TCTN2: variants seen among roughly 807,000 people sequenced by gnomAD.
The protein encoded by TCTN2 is tectonic family member 2.
Under a neutral mutation model 83.4 loss-of-function variants are expected in TCTN2, and 66 were observed. The ratio of observed to expected loss-of-function variants is 0.79; its 90% confidence interval spans 0.65 to 0.97. The LOEUF is 0.97. Ranked by LOEUF, TCTN2 falls within the 50% of genes least tolerant of loss-of-function variation. TCTN2 has a pLI of 0.00. For synonymous variants in TCTN2, 301 were observed against 326.7 expected (o/e 0.92, Z 0.85); for missense variants, 794 against 858.1 (o/e 0.93, Z 0.93).
chr12:123,695,105 T>C, intron 10 of TCTN2, 115 bp from the exon 11 acceptor site: 1 of 1,430,414 alleles, frequency 7.0e-7, no homozygotes, highest in Non-Finnish European at 9.8e-7. Flanking sequence ...TATGATTTAA[T>C]TAACGAGAGT....
At chr12:123,698,677 T>A (rs1956138305) in intron 13 of TCTN2, among the ~76,000 whole-genome samples, 1 of 152,104 alleles carries the variant, frequency 6.6e-6, no homozygotes. Flanking sequence ...ACGATCCTCC[T>A]GCCTTGGCCT....
chr12:123,671,974 G>A, intron 2 of TCTN2, 82 bp from the exon 3 acceptor site: 1 of 1,146,354 alleles, frequency 8.7e-7, no homozygotes. Flanking sequence ...TGTAATGTGA[G>A]TCCATCCTAG....
At chr12:123,706,070 A>C (rs1016870775) in intron 15 of TCTN2, among the ~76,000 whole-genome samples, 6 of 152,112 alleles carry the variant, frequency 3.9e-5, no homozygotes, top group African/African-American at 1.4e-4. Context: ...CTCTTTCTCA[A>C]AATAGATCTG....
chr12:123,706,085 G>C (rs1275421743), intron 15 of TCTN2, among the ~76,000 whole-genome samples: 1 of 152,152 alleles, frequency 6.6e-6, no homozygotes, highest in Non-Finnish European at 1.5e-5. Context: ...GATCTGGGCA[G>C]ACTTTTATTG....
chr12:123,703,461 C>T (rs1284402137), intron 14 of TCTN2, among the ~76,000 whole-genome samples: 3 of 152,092 alleles, frequency 2.0e-5, no homozygotes, highest in East Asian at 1.9e-4. Context: ...GGATTACAGG[C>T]GTGAGCCACC....
chr12:123,685,753 T>C (rs1015247370), intron 5 of TCTN2, among the ~76,000 whole-genome samples: 1 of 143,186 alleles, frequency 7.0e-6, no homozygotes, highest in Non-Finnish European at 1.5e-5. Flanking sequence ...AGAAGCAGGG[T>C]CTTGTTCTGT....
At chr12:123,696,231 C>A in intron 11 of TCTN2, 184 bp from the exon 12 acceptor site, 4 of 603,386 alleles carry the variant, frequency 6.6e-6, no homozygotes, top group Non-Finnish European at 9.1e-6. Context: ...AAATGTGAAG[C>A]ATTCTTTCTC....
chr12:123,690,365 G>C (rs1233277170), intron 7 of TCTN2, among the ~76,000 whole-genome samples, 168 bp from the exon 8 acceptor site: 3 of 152,212 alleles, frequency 2.0e-5, no homozygotes, highest in African/African-American at 7.2e-5. Flanking sequence ...GGGCAAATCA[G>C]TTAGATGTTT....
rs1368049091 is a variant in TCTN2, at chr12:123,707,762, C to T, written c.*49C>T. 2.1e-6 allele frequency: 3 copies of T among 1,461,136 alleles called. No homozygotes were observed. The highest frequency in any genetic ancestry group is 2.9e-6 in the Non-Finnish European group (3 of 1,042,392). The allele number at this position is 1,461,136 out of a possible 1,614,324, so 90.5% of individuals were successfully genotyped here. On this transcript the variant is annotated 3_prime_UTR_variant, in exon 18 of 18. Coordinates refer to ENST00000303372, the MANE Select transcript of TCTN2 (RefSeq NM_024809.5). ...TTGAGATGGAGTTTTGCTCTTGTTGCCCAGGCTGAAGTGATCTCGGCTCAC... is the reference window on the plus strand; with the variant it reads ...TTGAGATGGAGTTTTGCTCTTGTTGTCCAGGCTGAAGTGATCTCGGCTCAC...
chr12:123,699,155 AT>A (rs11438271), intron 13 of TCTN2, among the ~76,000 whole-genome samples: 574 of 141,722 alleles, frequency 4.1e-3, no homozygotes, highest in Non-Finnish European at 4.4e-3. Context: ...AGTTACTAAC[AT>A]TTTTTTTTTT....
In TCTN2 at chr12:123,690,616, A is replaced by C; in HGVS notation, c.975A>C (p.Glu325Asp). ...ATGTTAAATGCGTTACTAATTTGGA[A>C]CTATACCAAGAACGAGATGGTATTA... ...NFDVKCVTNL[E>D]LYQERDGIIN... Residue 325 changes from glutamate (E) to aspartate (D), a missense_variant, in exon 8 of 18, where the codon GAA (glutamate) becomes GAC (aspartate). Physicochemically the swap from Glu to Asp is conservative, Grantham distance 45. Coordinates refer to ENST00000303372, the MANE Select transcript of TCTN2 (RefSeq NM_024809.5). The C allele has an allele frequency of 6.2e-7, 1 of 1,614,218 alleles. No homozygotes were observed. The highest frequency in any genetic ancestry group is 8.5e-7 in the Non-Finnish European group (1 of 1,180,042).
At chr12:123,674,279 C>CTT (rs1483330202) in intron 4 of TCTN2, among the ~76,000 whole-genome samples, 1 of 148,712 alleles carries the variant, frequency 6.7e-6, no homozygotes, top group South Asian at 2.1e-4. Context: ...GATTCTCTCT[C>CTT]TTTTTTTTTT....
intron 8 of TCTN2, 93 bp downstream of exon 8, chr12:123,690,767 C>T (rs1956032039): frequency 2.7e-6 from 4 of 1,483,212 alleles, no homozygotes; most frequent in Admixed American, 1.7e-5. Context: ...ACTGGTTCAA[C>T]TTCAAATAAT....
chr12:123,686,256 A>G (rs1955965818), intron 5 of TCTN2, among the ~76,000 whole-genome samples: 1 of 152,114 alleles, frequency 6.6e-6, no homozygotes, highest in South Asian at 2.1e-4. Flanking sequence ...CATGTTGGCC[A>G]GTCTGGTCTC....
chr12:123,692,614 G>A, intron 8 of TCTN2, 44 bp from the exon 9 acceptor site: 1 of 1,427,994 alleles, frequency 7.0e-7, no homozygotes, highest in African/African-American at 1.4e-5. Context: ...ATCATGGTAG[G>A]CCATGTGTAC....
In TCTN2 at chr12:123,675,408, C is replaced by T. The variant is rs529324764; in HGVS notation, c.463+1598C>T. Among the ~76,000 whole-genome samples, 8 of 152,230 alleles carry T rather than the reference C, an allele frequency of 5.3e-5. No homozygotes were observed. In the East Asian group the frequency reaches 7.7e-4, roughly 15 times the overall value. On this transcript the variant is annotated intron_variant, in intron 4 of 17. Coordinates refer to ENST00000303372, the MANE Select transcript of TCTN2 (RefSeq NM_024809.5). ...CTGACATCTCTTGCCTTTATGGCCA[C>T]GTGGCATGGAGGGAGAAGCGTTCCA... is the stretch of plus-strand genomic sequence containing the variant.
rs374689181 is a variant in TCTN2 at position 123,699,747 on chromosome 12, C to T, written c.1549C>T (p.His517Tyr). 4.3e-6 allele frequency: 7 copies of T among 1,614,058 alleles called. No individual in the cohort carries two copies. The African/African-American group carries it at 8.0e-5, about 18-fold the overall frequency. ...ERLDSLIQAT[H>Y]VAMRGNSDYA... is the part of the protein sequence containing the mutation. ...ACTTGATTCATTAATACAAGCGACT[C>T]ACGTTGCAATGAGAGGCAACTCCGA... The change falls in exon 14 of 18, where the codon CAC becomes TAC. Residue 517 changes from histidine (H) to tyrosine (Y), a missense_variant. By Grantham distance (83) the His-to-Tyr change is moderately conservative. Coordinates refer to ENST00000303372, the MANE Select transcript of TCTN2 (RefSeq NM_024809.5).
At chr12:123,682,713 C>T (rs974830721) in intron 5 of TCTN2, among the ~76,000 whole-genome samples, 1 of 151,628 alleles carries the variant, frequency 6.6e-6, no homozygotes, top group Non-Finnish European at 1.5e-5. Context: ...AACTCCTGAC[C>T]ACAAGTGATC....
At chr12:123,679,536 G>A (rs1955868104) in intron 5 of TCTN2, among the ~76,000 whole-genome samples, 1 of 150,610 alleles carries the variant, frequency 6.6e-6, no homozygotes, top group Non-Finnish European at 1.5e-5. Flanking sequence ...TAATTGTTTT[G>A]TATCTTTTGT....
Sources: gnomAD v4.1 joint callset for allele counts (sites outside exome capture counted in the v4.1 genomes callset) on GRCh38, gnomAD v4.1.1 for gene constraint, MANE v1.5 for transcripts, NCBI Gene and HGNC (gene_info 2026-07-23, HGNC 2026-07-21) for gene names.